Variants in GRIN2B observed in about 807,000 individuals in gnomAD.
The protein encoded by GRIN2B is glutamate ionotropic receptor NMDA type subunit 2B, also known as glutamate receptor ionotropic, NMDA 2B.
A neutral mutation model predicts 114.5 loss-of-function variants in GRIN2B; 5 were observed. The ratio of observed to expected loss-of-function variants is 0.04; its 90% CI spans 0.02 to 0.09. The LOEUF is 0.09. GRIN2B is among the 10% of genes least tolerant of loss of function. The pLI is 1.00. For synonymous variants in GRIN2B, 787 were observed against 745.1 expected (o/e 1.06, Z -0.92); for missense variants, 1,108 against 1,943.5 (o/e 0.57, Z 8.08).
chr12:13,940,956 CA>C (rs1281798884), intron 2 of GRIN2B, among the ~76,000 whole-genome samples: 1 of 152,118 alleles, frequency 6.6e-6, no homozygotes, highest in African/African-American at 2.4e-5. Context: ...CTCCAATTCA[CA>C]TTAACCCTCT....
chr12:13,873,960 T>G (rs1406498840), intron 2 of GRIN2B, among the ~76,000 whole-genome samples: 1 of 152,156 alleles, frequency 6.6e-6, no homozygotes, highest in Non-Finnish European at 1.5e-5. Flanking sequence ...GCAGGATAGA[T>G]GGGAGAGAGG....
At chr12:13,783,252 AAC>A (rs368922412) in intron 3 of GRIN2B, among the ~76,000 whole-genome samples, 3 of 151,800 alleles carry the variant, frequency 2.0e-5, no homozygotes, top group Non-Finnish European at 4.4e-5. Flanking sequence ...TGAAAAGACA[AAC>A]ACACACACAC....
intron 3 of GRIN2B, among the ~76,000 whole-genome samples, chr12:13,778,024 G>T (rs897958910): frequency 6.6e-6 from 1 of 152,174 alleles, no homozygotes; most frequent in East Asian, 1.9e-4. Context: ...TCTACCTGTT[G>T]CATCCATTCT....
At chr12:13,970,605 A>T (rs991488428) in intron 2 of GRIN2B, among the ~76,000 whole-genome samples, 12 of 152,108 alleles carry the variant, frequency 7.9e-5, no homozygotes, top group Non-Finnish European at 1.6e-4. Context: ...ACAGGAAAAT[A>T]AAAAATTAAT....
intron 3 of GRIN2B, among the ~76,000 whole-genome samples, chr12:13,773,719 T>TA (rs918610090): frequency 6.6e-6 from 1 of 152,148 alleles, no homozygotes; most frequent in Admixed American, 6.5e-5. Context: ...TGTACCTTGA[T>TA]ACAGTTCAGA....
intron 4 of GRIN2B, among the ~76,000 whole-genome samples, chr12:13,688,320 T>C (rs971966460): frequency 2.6e-5 from 4 of 152,176 alleles, no homozygotes; most frequent in African/African-American, 9.7e-5. Flanking sequence ...CAGTGGTCCA[T>C]CAGTTGTTTT....
chr12:13,796,032 G>A (rs1864413509), intron 3 of GRIN2B, among the ~76,000 whole-genome samples: 2 of 149,048 alleles, frequency 1.3e-5, no homozygotes, highest in African/African-American at 2.5e-5. Context: ...ATATACATAT[G>A]TAACAAACCT....
chr12:13,696,207 T>G (rs143841238), intron 4 of GRIN2B, among the ~76,000 whole-genome samples: 2 of 152,274 alleles, frequency 1.3e-5, no homozygotes, highest in African/African-American at 4.8e-5. Flanking sequence ...ATGTTGCACA[T>G]TGGAAGACTG....
chr12:13,862,921 C>T (rs1466684659), intron 3 of GRIN2B, among the ~76,000 whole-genome samples: 1 of 152,182 alleles, frequency 6.6e-6, no homozygotes, highest in Admixed American at 6.5e-5. Context: ...CCAGGATCTC[C>T]ATTACTGGAT....
At chr12:13,807,875 A>G (rs11615752) in intron 3 of GRIN2B, among the ~76,000 whole-genome samples, 23,795 of 151,892 alleles carry the variant, frequency 0.16, 2,408 homozygotes, top group Non-Finnish European at 0.22. Context: ...TAACCAACCC[A>G]CCCAGCTTAG....
At chr12:13,939,410 G>A (rs905038661) in intron 2 of GRIN2B, among the ~76,000 whole-genome samples, 1 of 151,972 alleles carries the variant, frequency 6.6e-6, no homozygotes, top group Non-Finnish European at 1.5e-5. Context: ...TTGTTTAAAA[G>A]AGCATGGCAT....
chr12:13,666,168 C>T (rs893798377), intron 5 of GRIN2B, among the ~76,000 whole-genome samples: 1 of 152,190 alleles, frequency 6.6e-6, no homozygotes, highest in Non-Finnish European at 1.5e-5. Flanking sequence ...CCATCACTCC[C>T]TCCCCAGTGA....
At chr12:13,611,403 C>T (rs1354516105) in intron 9 of GRIN2B, among the ~76,000 whole-genome samples, 1 of 152,192 alleles carries the variant, frequency 6.6e-6, no homozygotes, top group Admixed American at 6.5e-5. Context: ...CAACAGACTG[C>T]CCACAGCCTA....
chr12:13,724,952 C>G (rs890533874), intron 4 of GRIN2B, among the ~76,000 whole-genome samples: 1 of 152,100 alleles, frequency 6.6e-6, no homozygotes, highest in Non-Finnish European at 1.5e-5. Context: ...TAGCAGGTCC[C>G]CAGCAGATAA....
At chr12:13,823,410 AT>A (rs1226892662) in intron 3 of GRIN2B, among the ~76,000 whole-genome samples, 1 of 151,916 alleles carries the variant, frequency 6.6e-6, no homozygotes, top group African/African-American at 2.4e-5. Flanking sequence ...AATTTTTTCC[AT>A]GGTTTTGATG....
rs1003813341 is a variant in GRIN2B, at chr12:13,543,999, T to G, written c.*18784A>C. ...GTCCTCTCTCCCTAGGCATCATCAA[T>G]TTTTCCTTTCTCCTGGATTAGTCTT... On this transcript the variant is annotated 3_prime_UTR_variant, in exon 14 of 14. Coordinates refer to ENST00000609686, the MANE Select transcript of GRIN2B (RefSeq NM_000834.5). 3 of 152,184 alleles carry G rather than the reference T, an allele frequency of 2.0e-5. No homozygotes were observed. Among genetic ancestry groups the G allele is most frequent in the African/African-American group, 7.2e-5 (3 of 41,444 alleles). 9.4% of individuals were successfully genotyped at this position (152,184 alleles called of 1,614,324 possible).
intron 4 of GRIN2B, among the ~76,000 whole-genome samples, chr12:13,684,495 G>A (rs12313659): frequency 0.14 from 20,681 of 152,152 alleles, 1,808 homozygotes; most frequent in Middle Eastern, 0.2. Context: ...TCATGCTCAC[G>A]ACTCTTAGTC....
chr12:13,845,939 C>T (rs1865466601), intron 3 of GRIN2B, among the ~76,000 whole-genome samples: 1 of 114,138 alleles, frequency 8.8e-6, no homozygotes, highest in Non-Finnish European at 2.0e-5. Flanking sequence ...CTGCTCATTT[C>T]CTTTGTTTAC....
chr12:13,702,744 A>T (rs1950324430), intron 4 of GRIN2B, among the ~76,000 whole-genome samples: 1 of 152,134 alleles, frequency 6.6e-6, no homozygotes, highest in Admixed American at 6.6e-5. Flanking sequence ...TCTCATGCAA[A>T]CAGGAGACCC....
Sources: allele counts gnomAD v4.1 joint callset (sites outside exome capture counted in the v4.1 genomes callset), GRCh38; gene constraint gnomAD v4.1.1; transcripts MANE v1.5; gene names NCBI Gene and HGNC (gene_info 2026-07-23, HGNC 2026-07-21).